MYO15B: variants seen among roughly 807,000 people sequenced by gnomAD.
The protein encoded by MYO15B is myosin XVB.
In MYO15B, 207 loss-of-function variants were observed where a neutral mutation model predicts 119.3. The ratio of observed to expected loss-of-function variants is 1.73; its 90% CI spans 1.55 to 1.95. The LOEUF is 1.95. MYO15B is among the 30% of genes most tolerant of loss of function. The pLI, the probability that MYO15B is intolerant of heterozygous loss-of-function variation, is 0.00. For missense variants in MYO15B, 2,264 were observed against 1,203.1 expected (o/e 1.88, Z -13.04); for synonymous variants, 966 against 498.9 (o/e 1.94, Z -12.48).
intron 57 of MYO15B, 44 bp from the exon 58 acceptor site, chr17:75,624,499 C>T (rs1598941909): frequency 1.4e-6 from 1 of 703,008 alleles, no homozygotes; most frequent in East Asian, 2.7e-5. Context: ...GTTCTGGGTC[C>T]CCCAGCCTCC....
rs528490675 is a variant in MYO15B, at chr17:75,626,182, A to G, written c.9167A>G (p.Tyr3056Cys). 1.1e-5 allele frequency: 8 copies of G among 703,010 alleles called. No individual in the cohort carries two copies. The East Asian group carries it at 1.3e-4, about 12-fold the overall frequency. 43.5% of individuals were successfully genotyped at this position (703,010 alleles called of 1,614,324 possible). ...GGGCCCCCTGGCCTGGAAGTCAACT[A>G]TGGCTCAGCTGACAACCCCCAGACC... The change falls in exon 63 of 64, where the codon TAT (tyrosine) becomes TGT (cysteine). Residue 3056 changes from tyrosine (Y) to cysteine (C), a missense_variant. Physicochemically the swap from Tyr to Cys is radical, Grantham distance 194 (BLOSUM62 -2). Coordinates refer to ENST00000645453, the Ensembl canonical transcript of MYO15B.
In MYO15B at chr17:75,594,475, C is replaced by T. The variant is rs1215230736; in HGVS notation, c.2992C>T (p.Arg998Ter). The T allele has an allele frequency of 3.3e-6, 2 of 602,450 alleles. No homozygotes were observed. Among genetic ancestry groups the T allele is most frequent in the African/African-American group, 1.9e-5 (1 of 54,026 alleles). The allele number at this position is 602,450 out of a possible 1,614,324, so 37.3% of individuals were successfully genotyped here. ...TCCCTGTCCCTCCCTCTCTGTGTAGCGAGAGTCCCAGGAGGTGGCTGCTGT... is the reference window on the plus strand; with the variant it reads ...TCCCTGTCCCTCCCTCTCTGTGTAGTGAGAGTCCCAGGAGGTGGCTGCTGT... Residue 998 changes from arginine to a stop codon, truncating the protein, a stop_gained and splice_region_variant, in exon 10 of 64, where the codon CGA becomes TGA. Coordinates refer to ENST00000645453, the Ensembl canonical transcript of MYO15B. LOFTEE classifies it high-confidence loss of function.
In MYO15B at chr17:75,607,303, G is replaced by A. The variant is rs537661534; in HGVS notation, c.4292+1282G>A. On this transcript the variant is annotated intron_variant, in intron 21 of 63. Transcript: ENST00000645453. Reference sequence around the variant, plus strand: ...AAGTTGCCCATTCTAGATACTTCCTGTAAGTTGACTCATACAATATTTCCT... The same window carrying A: ...AAGTTGCCCATTCTAGATACTTCCTATAAGTTGACTCATACAATATTTCCT... Among the ~76,000 whole-genome samples the A allele has an allele frequency of 7.6e-4, 116 of 151,900 alleles. 1 individual carries two copies. The South Asian group carries it at 0.023, about 30-fold the overall frequency.
At chr17:75,607,758 G>T (rs1179047422) in intron 21 of MYO15B, among the ~76,000 whole-genome samples, 1 of 152,108 alleles carries the variant, frequency 6.6e-6, no homozygotes, top group Non-Finnish European at 1.5e-5. Flanking sequence ...ACTGCACCCG[G>T]CCTGTTCTAG....
chr17:75,591,208 G>A (rs987278088), exon 4 of MYO15B: 3 of 702,872 alleles, frequency 4.3e-6, no homozygotes, highest in African/African-American at 3.5e-5. Flanking sequence ...CCTATGACCT[G>A]GCTCAGAATA....
intron 22 of MYO15B, 135 bp downstream of exon 22, chr17:75,610,394 G>A: frequency 5.4e-6 from 3 of 550,604 alleles, no homozygotes; most frequent in South Asian, 2.4e-5. Context: ...AGTGCTCCTT[G>A]AACTCATCCC....
At chr17:75,614,166 G>T in intron 29 of MYO15B, 33 bp from the exon 30 acceptor site, 1 of 697,292 alleles carries the variant, frequency 1.4e-6, no homozygotes, top group Non-Finnish European at 2.6e-6. Context: ...CTGGATGGCC[G>T]CCTGCCTCAC....
chr17:75,614,122 C>T (rs4789221), intron 29 of MYO15B, 77 bp from the exon 30 acceptor site: 266,116 of 668,764 alleles, frequency 0.4, 57,203 homozygotes, highest in East Asian at 0.65. Context: ...CAGCCCCCTG[C>T]CCCCTTGGCC....
intron 3 of MYO15B, 74 bp from the exon 4 acceptor site, chr17:75,591,098 G>A (rs375456085): frequency 8.6e-6 from 6 of 699,092 alleles, no homozygotes; most frequent in African/African-American, 7.0e-5. Flanking sequence ...GAGGTCCCGG[G>A]GCCTGTGAGC....
Position 75,589,275 on chromosome 17 carries a change from G to C in MYO15B, c.1218G>C (p.Trp406Cys). 7.5e-6 allele frequency: 3 copies of C among 398,090 alleles called. No homozygotes were observed. Among genetic ancestry groups the C allele is most frequent in the Non-Finnish European group, 1.3e-5 (3 of 225,836 alleles). 24.7% of individuals were successfully genotyped at this position (398,090 alleles called of 1,614,324 possible). A position where few individuals can be genotyped will look rare whatever the true frequency, so the allele number is the denominator to read the frequency against. The change falls in exon 1 of 64, where the codon TGG (tryptophan) becomes TGC (cysteine). Residue 406 changes from tryptophan to cysteine, a missense_variant. By Grantham distance (215) the Trp-to-Cys change is radical (BLOSUM62 -2). Transcript: ENST00000645453. The surrounding 1 kb of genome is among the most constrained non-coding windows in gnomAD (Gnocchi z 4.2). ...CCGGGCCACGGGCGAGCGAGGGGTG[G>C]GGCCGCCGGAAACCGGACGAGGGGC...
chr17:75,602,925 C>A (rs749859220), exon 17 of MYO15B: 4 of 691,076 alleles, frequency 5.8e-6, no homozygotes, highest in South Asian at 4.6e-5. Flanking sequence ...CCCTGGAGGA[C>A]CTCATAGCCC....
chr17:75,612,289 C>T (rs1417217245), intron 25 of MYO15B, among the ~76,000 whole-genome samples: 1 of 152,174 alleles, frequency 6.6e-6, no homozygotes, highest in African/African-American at 2.4e-5. Flanking sequence ...TGCGGTAGTG[C>T]CCTGCTTTTG....
Position 75,625,282 on chromosome 17 carries a change from A to C in MYO15B, c.8804+44A>C, listed in dbSNP as rs1015069042. 1.3e-5 allele frequency: 9 copies of C among 670,274 alleles called. No homozygotes were observed. In the East Asian group the frequency reaches 1.6e-4, roughly 12 times the overall value. 41.5% of individuals were successfully genotyped at this position (670,274 alleles called of 1,614,324 possible). ...CGCCCCTAAGCCCCTCCCCTTCTCT[A>C]AGGTCAAGGCCATTTGACTGGTACC... On this transcript the variant is annotated intron_variant, in intron 60 of 63. Transcript: ENST00000645453.
intron 21 of MYO15B, among the ~76,000 whole-genome samples, chr17:75,608,723 A>G (rs565326255): frequency 3.5e-5 from 5 of 141,156 alleles, no homozygotes; most frequent in East Asian, 4.1e-4. Context: ...AAGCCCGGCT[A>G]ATTTTGTTGT....
At position 75,606,720 on chromosome 17, in the gene MYO15B, G is replaced by A. The variant is rs141115640; in HGVS notation, c.4292+699G>A. Among the ~76,000 whole-genome samples the A allele has an allele frequency of 4.0e-3, 613 of 152,160 alleles. 6 individuals carry two copies. In the East Asian group the frequency reaches 0.071, roughly 18 times the overall value. On this transcript the variant is annotated intron_variant, in intron 21 of 63. Coordinates refer to ENST00000645453, the Ensembl canonical transcript of MYO15B. Reference sequence around the variant, plus strand: ...ACTCCCGACCTCAGGTGATCCGCCCGCCTCAGCCTCCCAAAATGCTGGGAT... The same window carrying A: ...ACTCCCGACCTCAGGTGATCCGCCCACCTCAGCCTCCCAAAATGCTGGGAT...
At chr17:75,591,305 C>T (rs1273959349) in intron 4 of MYO15B, 59 bp downstream of exon 4, 18 of 695,092 alleles carry the variant, frequency 2.6e-5, no homozygotes, top group South Asian at 7.5e-5. Context: ...GTTGATGGGG[C>T]GGGGCCTGAG....
chr17:75,602,968 C>T (rs1481749405), intron 17 of MYO15B, 23 bp downstream of exon 17: 12 of 698,890 alleles, frequency 1.7e-5, no homozygotes, highest in Non-Finnish European at 3.1e-5. Flanking sequence ...CCCGCCACAC[C>T]AGACCCCAGG....
At chr17:75,591,553 G>A (rs1358172827) in intron 4 of MYO15B, 48 bp from the exon 5 acceptor site, 2 of 701,996 alleles carry the variant, frequency 2.8e-6, no homozygotes, top group South Asian at 3.0e-5. Context: ...CACTGGGGTG[G>A]TCCTATGTGC....
chr17:75,594,380 C>T (rs73366119), intron 9 of MYO15B, 95 bp from the exon 10 acceptor site: 11,764 of 560,724 alleles, frequency 0.021, 947 homozygotes, highest in African/African-American at 0.18. Flanking sequence ...CCTTTGGTGA[C>T]AGGGCCACTT....
Sources: gnomAD v4.1 joint callset for allele counts (sites outside exome capture counted in the v4.1 genomes callset) on GRCh38, gnomAD v4.1.1 for gene constraint, Gnocchi (gnomAD v3.1) non-coding constraint, MANE v1.5 for transcripts, NCBI Gene and HGNC (gene_info 2026-07-23, HGNC 2026-07-21) for gene names.